The following PEAK1 variants were observed in gnomAD, a reference collection of about 807,000 sequenced individuals.
PEAK1 encodes pseudopodium enriched atypical kinase 1, also known as inactive tyrosine-protein kinase PEAK1.
Under a neutral mutation model 124.7 loss-of-function variants are expected in PEAK1, and 54 were observed. The observed-to-expected ratio is 0.43, with a 90% CI of 0.35 to 0.54. The LOEUF (loss-of-function observed/expected upper bound fraction) is 0.54, where lower values mean the gene tolerates loss of function less well. Ranked by LOEUF, PEAK1 falls within the 20% of genes least tolerant of loss-of-function variation. PEAK1 has a pLI of 0.01. For missense variants in PEAK1, 2,046 were observed against 2,134.5 expected, an observed-to-expected ratio of 0.96 and a Z score of 0.82; for synonymous variants, 719 against 760.0, an observed-to-expected ratio of 0.95 and a Z score of 0.89.
Position 77,298,197 on chromosome 15 carries a change from A to ATTTTTTTTT in PEAK1, c.-602-11702_-602-11694dup, listed in dbSNP as rs749000554. Among the ~76,000 whole-genome samples, 101 of 37,822 alleles carry ATTTTTTTTT rather than the reference A, an allele frequency of 2.7e-3. 22 individuals carry two copies. The highest frequency in any genetic ancestry group is 5.7e-3 in the African/African-American group (42 of 7,414). The allele number at this position is 37,822 out of a possible 152,430, so 24.8% of individuals were successfully genotyped here. A position where few individuals can be genotyped will look rare whatever the true frequency, so the allele number is the denominator to read the frequency against. On this transcript the variant is annotated intron_variant, in intron 2 of 9. Transcript: ENST00000682557. ...TAGCTTCTTTTGTTTGGTATCCTTAATTTTTTTTTTTTTTTTTTTTTTTTT... is the reference window on the plus strand; with the variant it reads ...TAGCTTCTTTTGTTTGGTATCCTTAATTTTTTTTTTTTTTTTTTTTTTTTTTTTTTTTTT...
At chr15:77,281,684 A>AT (rs1181529684) in intron 5 of PEAK1, among the ~76,000 whole-genome samples, 1 of 152,194 alleles carries the variant, frequency 6.6e-6, no homozygotes, top group Non-Finnish European at 1.5e-5. Context: ...GTACAGGAGA[A>AT]TAATTTTTGA....
intron 2 of PEAK1, among the ~76,000 whole-genome samples, chr15:77,323,850 A>C (rs2153022194): frequency 1.3e-5 from 2 of 152,320 alleles, no homozygotes; most frequent in Non-Finnish European, 2.9e-5. Context: ...AAAAGAACAA[A>C]GCTGGAGGCA....
chr15:77,311,685 C>CAAAAAAAAAAAAAAAAAAAAAAA (rs11296386), intron 2 of PEAK1, among the ~76,000 whole-genome samples: 1 of 85,872 alleles, frequency 1.2e-5, no homozygotes, highest in Non-Finnish European at 2.2e-5. Context: ...CCAACCCCCA[C>CAAAAAAAAAAAAAAAAAAAAAAA]AAAAAAAAAA....
At position 77,284,001 on chromosome 15, in the gene PEAK1, G is replaced by A; in HGVS notation, c.-393C>T. 1.4e-5 allele frequency: 14 copies of A among 984,764 alleles called. No homozygotes were observed. Among genetic ancestry groups the A allele is most frequent in the Non-Finnish European group, 1.7e-5 (14 of 829,454 alleles). The allele number at this position is 984,764 out of a possible 1,614,324, so 61.0% of individuals were successfully genotyped here. ...TGAATTCTCACTTTCTCACAAAATG[G>A]TACTTCATTGAAGGATGTAATTAGT... On this transcript the variant is annotated 5_prime_UTR_variant, in exon 5 of 10. Transcript: ENST00000682557.
intron 6 of PEAK1, among the ~76,000 whole-genome samples, chr15:77,194,149 A>C (rs1051331172): frequency 2.0e-5 from 3 of 151,804 alleles, no homozygotes; most frequent in African/African-American, 7.3e-5. Context: ...TCAACTTTTG[A>C]CTCCTCCTGG....
At chr15:77,414,298 C>T (rs2072694419) in intron 1 of PEAK1, among the ~76,000 whole-genome samples, 1 of 145,936 alleles carries the variant, frequency 6.9e-6, no homozygotes, top group African/African-American at 2.5e-5. Context: ...CAGATTGAAC[C>T]TCCCAGGCTC....
chr15:77,304,441 CATTT>C (rs1193022674), intron 2 of PEAK1, among the ~76,000 whole-genome samples: 5 of 124,772 alleles, frequency 4.0e-5, no homozygotes, highest in African/African-American at 1.1e-4. Flanking sequence ...CTCCTGTATA[CATTT>C]TTTTTTTTTT....
chr15:77,267,357 A>G (rs569464569), intron 5 of PEAK1, among the ~76,000 whole-genome samples: 5 of 152,072 alleles, frequency 3.3e-5, no homozygotes, highest in Admixed American at 6.6e-5. Flanking sequence ...ATACTACCAC[A>G]GCTATTATGC....
chr15:77,266,099 T>C (rs549216052), intron 5 of PEAK1, among the ~76,000 whole-genome samples: 41 of 151,688 alleles, frequency 2.7e-4, no homozygotes, highest in African/African-American at 8.7e-4. Context: ...CTGGGGACTG[T>C]TGTGGGGTGG....
chr15:77,213,519 T>C (rs2059001864), intron 6 of PEAK1, among the ~76,000 whole-genome samples: 1 of 152,058 alleles, frequency 6.6e-6, no homozygotes, highest in South Asian at 2.1e-4. Flanking sequence ...TGAAACCCCA[T>C]CTCTACTAAA....
At chr15:77,250,257 A>ATTTTT (rs141195382) in intron 6 of PEAK1, among the ~76,000 whole-genome samples, 93 of 126,084 alleles carry the variant, frequency 7.4e-4, no homozygotes, top group African/African-American at 2.4e-3. Flanking sequence ...ATATATATAT[A>ATTTTT]TTTTTTTTTG....
intron 6 of PEAK1, among the ~76,000 whole-genome samples, chr15:77,225,628 GAT>G (rs1491140580): frequency 4.2e-5 from 4 of 95,888 alleles, no homozygotes; most frequent in African/African-American, 7.1e-5. Flanking sequence ...ACTTTCTACA[GAT>G]GTGTGTGTGT....
chr15:77,257,578 G>GT (rs2061221021), intron 5 of PEAK1, among the ~76,000 whole-genome samples: 1 of 151,316 alleles, frequency 6.6e-6, no homozygotes, highest in Non-Finnish European at 1.5e-5. Flanking sequence ...GGGGTTGTTT[G>GT]TTTTTTTCTT....
chr15:77,319,468 T>C (rs2065067478), intron 2 of PEAK1, among the ~76,000 whole-genome samples: 1 of 152,146 alleles, frequency 6.6e-6, no homozygotes. Flanking sequence ...TAAAAGAAAG[T>C]AAACAAAAAC....
intron 6 of PEAK1, among the ~76,000 whole-genome samples, chr15:77,202,487 G>C (rs932573222): frequency 1.3e-5 from 2 of 152,074 alleles, no homozygotes; most frequent in African/African-American, 4.8e-5. Flanking sequence ...TTTGGGGCTG[G>C]GTGCGGTGGC....
In PEAK1 at chr15:77,349,835, T is replaced by C. The variant is rs545773321; in HGVS notation, c.-603+15328A>G. 2.5e-4 allele frequency: 244 copies of C among 985,410 alleles called. 2 individuals carry two copies. In the African/African-American group the frequency reaches 4.1e-3, roughly 16 times the overall value. 61.0% of individuals were successfully genotyped at this position (985,410 alleles called of 1,614,324 possible). A position where few individuals can be genotyped will look rare whatever the true frequency, so the allele number is the denominator to read the frequency against. On this transcript the variant is annotated intron_variant, in intron 2 of 9. Transcript: ENST00000682557. ...GGGGACAGCCAGGCTGGAAAACTAA[T>C]TAAAAGAAAAGGATTCAAGTGGAGA... is the stretch of plus-strand genomic sequence containing the variant.
intron 6 of PEAK1, among the ~76,000 whole-genome samples, chr15:77,200,832 C>T (rs12907847): frequency 0.66 from 99,455 of 151,720 alleles, 33,550 homozygotes; most frequent in Non-Finnish European, 0.75. Flanking sequence ...TAGGGTCAAA[C>T]GTGCTTCATG....
At chr15:77,275,648 G>A (rs1422099748) in intron 5 of PEAK1, among the ~76,000 whole-genome samples, 1 of 151,764 alleles carries the variant, frequency 6.6e-6, no homozygotes, top group Non-Finnish European at 1.5e-5. Flanking sequence ...CCCGGGAGAC[G>A]GAGGTTGCAG....
At chr15:77,418,724 A>C in intron 1 of PEAK1, 3 of 985,450 alleles carry the variant, frequency 3.0e-6, no homozygotes, top group Non-Finnish European at 3.6e-6. Flanking sequence ...TTGCTCATGG[A>C]AAGTTTTACC....
Sources: allele counts gnomAD v4.1 joint callset (sites outside exome capture counted in the v4.1 genomes callset), GRCh38; gene constraint gnomAD v4.1.1; transcripts MANE v1.5; gene names NCBI Gene and HGNC (gene_info 2026-07-23, HGNC 2026-07-21).